Variants in PEX5L observed in about 807,000 individuals in gnomAD.
PEX5L encodes the protein PEX5-related protein.
PEX5L carries 30 observed loss-of-function variants against 84.0 expected under a neutral mutation model. That is an observed-to-expected ratio of 0.36 (90% CI 0.27 to 0.48). The LOEUF (loss-of-function observed/expected upper bound fraction) is 0.48, where lower values mean the gene tolerates loss of function less well. Ranked by LOEUF, PEX5L falls within the 20% of genes least tolerant of loss-of-function variation. PEX5L has a pLI of 0.99. For missense variants in PEX5L, 533 were observed against 754.6 expected (o/e 0.71, Z 3.44); for synonymous variants, 270 against 283.1 (o/e 0.95, Z 0.46).
intron 1 of PEX5L, among the ~76,000 whole-genome samples, chr3:179,982,552 C>G (rs536384443): frequency 6.6e-6 from 1 of 152,166 alleles, no homozygotes; most frequent in South Asian, 2.1e-4. Context: ...CAATGCAGAC[C>G]AGAAAAATTT....
chr3:179,988,182 C>T (rs1291325144), intron 1 of PEX5L, among the ~76,000 whole-genome samples: 2 of 151,954 alleles, frequency 1.3e-5, no homozygotes, highest in Non-Finnish European at 2.9e-5. Context: ...GGTGGATCAC[C>T]TAAGGTCAGG....
At chr3:179,891,162 A>C (rs1757505573) in intron 3 of PEX5L, among the ~76,000 whole-genome samples, 1 of 151,766 alleles carries the variant, frequency 6.6e-6, no homozygotes, top group Non-Finnish European at 1.5e-5. Context: ...TGCCTCAGGA[A>C]GTCTGTGTCT....
At chr3:179,913,655 G>A (rs960140300) in intron 2 of PEX5L, among the ~76,000 whole-genome samples, 3 of 151,928 alleles carry the variant, frequency 2.0e-5, no homozygotes, top group Non-Finnish European at 4.4e-5. Flanking sequence ...ATATTTAATT[G>A]GAAATAGAAA....
chr3:179,996,475 C>G (rs541127842), intron 1 of PEX5L, among the ~76,000 whole-genome samples: 1 of 152,116 alleles, frequency 6.6e-6, no homozygotes, highest in African/African-American at 2.4e-5. Flanking sequence ...TGCGAGTGAG[C>G]TGGAAATGCC....
chr3:179,924,788 A>G (rs1770922106), intron 2 of PEX5L, among the ~76,000 whole-genome samples: 2 of 152,224 alleles, frequency 1.3e-5, no homozygotes, highest in Non-Finnish European at 2.9e-5. Context: ...TAAGAGAGTC[A>G]ACAGAAATTA....
At chr3:180,009,219 C>G (rs1342228878) in intron 1 of PEX5L, among the ~76,000 whole-genome samples, 1 of 152,156 alleles carries the variant, frequency 6.6e-6, no homozygotes, top group Non-Finnish European at 1.5e-5. Context: ...TAATTAATAA[C>G]TACTATACAA....
chr3:180,023,197 C>T (rs1790573404), intron 1 of PEX5L, among the ~76,000 whole-genome samples: 1 of 152,178 alleles, frequency 6.6e-6, no homozygotes, highest in African/African-American at 2.4e-5. Flanking sequence ...AACCTGTATG[C>T]TGCATTCTCT....
chr3:179,968,219 T>G (rs189498765), intron 2 of PEX5L, among the ~76,000 whole-genome samples: 3 of 152,302 alleles, frequency 2.0e-5, no homozygotes, highest in Admixed American at 6.5e-5. Context: ...AATTGTTATC[T>G]AGGTCCAGCT....
At chr3:179,905,122 T>C (rs891315399) in intron 2 of PEX5L, among the ~76,000 whole-genome samples, 1 of 152,216 alleles carries the variant, frequency 6.6e-6, no homozygotes, top group African/African-American at 2.4e-5. Context: ...TCTAAAAGCC[T>C]GGACCCTTTA....
intron 1 of PEX5L, among the ~76,000 whole-genome samples, chr3:180,017,113 A>G (rs867965705): frequency 6.6e-6 from 1 of 152,200 alleles, no homozygotes; most frequent in African/African-American, 2.4e-5. Context: ...ATAAAAAAAG[A>G]TCTGTTTACA....
At chr3:179,836,541 C>T (rs979088971) in intron 8 of PEX5L, among the ~76,000 whole-genome samples, 1 of 152,032 alleles carries the variant, frequency 6.6e-6, no homozygotes, top group African/African-American at 2.4e-5. Context: ...GAGACAGATC[C>T]CCAAACAGGC....
chr3:179,915,161 G>A (rs933938099), intron 2 of PEX5L, among the ~76,000 whole-genome samples: 7 of 152,170 alleles, frequency 4.6e-5, no homozygotes, highest in Non-Finnish European at 1.0e-4. Context: ...CTGACACAGA[G>A]TAGGTACTCA....
At chr3:179,986,177 T>TAA (rs1467908918) in intron 1 of PEX5L, among the ~76,000 whole-genome samples, 2 of 129,826 alleles carry the variant, frequency 1.5e-5, no homozygotes, top group African/African-American at 6.4e-5. Context: ...TATATATATA[T>TAA]ATATAACTTT....
chr3:179,851,272 A>G (rs2108453543), intron 8 of PEX5L, among the ~76,000 whole-genome samples: 1 of 152,366 alleles, frequency 6.6e-6, no homozygotes, highest in East Asian at 1.9e-4. Flanking sequence ...TCCAAGATCA[A>G]GGAGCTGGCA....
intron 8 of PEX5L, among the ~76,000 whole-genome samples, chr3:179,834,328 G>A (rs1734207057): frequency 6.6e-6 from 1 of 152,248 alleles, no homozygotes; most frequent in African/African-American, 2.4e-5. Context: ...CTGGAAGGGT[G>A]AGGATTGGTG....
chr3:179,803,116 A>G (rs1268363388), intron 14 of PEX5L, among the ~76,000 whole-genome samples: 1 of 152,212 alleles, frequency 6.6e-6, no homozygotes, highest in East Asian at 1.9e-4. Context: ...GGAATTTTCC[A>G]GAGACTACAT....
intron 1 of PEX5L, among the ~76,000 whole-genome samples, chr3:180,023,966 G>A (rs966356072): frequency 1.3e-5 from 2 of 152,026 alleles, no homozygotes; most frequent in African/African-American, 4.8e-5. Context: ...TGGGTGAGGG[G>A]GCACTATTCA....
chr3:179,809,809 C>T (rs1723028327), intron 11 of PEX5L, 141 bp from the exon 12 acceptor site: 1 of 622,716 alleles, frequency 1.6e-6, no homozygotes, highest in African/African-American at 1.8e-5. Context: ...CTGGAAAGCA[C>T]CATATTTATC....
chr3:179,886,098 T>A (rs1755769370), intron 4 of PEX5L, among the ~76,000 whole-genome samples: 1 of 152,198 alleles, frequency 6.6e-6, no homozygotes. Flanking sequence ...TCTCTCAGGG[T>A]GGATCCTTTC....
Sources: allele counts gnomAD v4.1 joint callset (sites outside exome capture counted in the v4.1 genomes callset), GRCh38; gene constraint gnomAD v4.1.1; transcripts MANE v1.5; gene names NCBI Gene and HGNC (gene_info 2026-07-23, HGNC 2026-07-21).